Variants in ABL2 observed in about 807,000 individuals in gnomAD.
The protein encoded by ABL2 is tyrosine-protein kinase ABL2.
In ABL2, 49 loss-of-function variants were observed where a neutral mutation model predicts 107.7. The ratio of observed to expected loss-of-function variants is 0.45; its 90% CI spans 0.36 to 0.58. ABL2 has a LOEUF of 0.58. ABL2 is among the 20% of genes least tolerant of loss of function. The pLI is 0.00. For missense variants in ABL2, 1,245 were observed against 1,457.0 expected (o/e 0.85, Z 2.37); for synonymous variants, 549 against 548.6 (o/e 1.00, Z -0.01).
chr1:179,176,746 A>T (rs1660073362), intron 1 of ABL2, among the ~76,000 whole-genome samples: 1 of 119,188 alleles, frequency 8.4e-6, no homozygotes, highest in African/African-American at 3.2e-5. Context: ...CCCAGGCTGG[A>T]GGGCAGAGGT....
chr1:179,190,715 C>T (rs957941364), intron 1 of ABL2, among the ~76,000 whole-genome samples: 2 of 152,048 alleles, frequency 1.3e-5, no homozygotes, highest in African/African-American at 2.4e-5. Flanking sequence ...ATCTAGGGGT[C>T]CCCAGCCTCC....
intron 1 of ABL2, among the ~76,000 whole-genome samples, chr1:179,158,153 A>C (rs1263575357): frequency 1.3e-5 from 2 of 152,202 alleles, no homozygotes; most frequent in Non-Finnish European, 2.9e-5. Flanking sequence ...TGTGAGGACT[A>C]GGATTGGGGA....
chr1:179,194,493 C>T (rs1434744430), intron 1 of ABL2, among the ~76,000 whole-genome samples: 2 of 152,242 alleles, frequency 1.3e-5, no homozygotes, highest in African/African-American at 4.8e-5. Context: ...ATAATTTCTG[C>T]TAACATGGAA....
chr1:179,121,489 A>T, intron 5 of ABL2, 106 bp downstream of exon 5: 2 of 1,411,166 alleles, frequency 1.4e-6, no homozygotes, highest in Non-Finnish European at 1.9e-6. Context: ...GCTTGGCACT[A>T]GTGGGTGGAA....
chr1:179,193,212 G>A (rs1557988621), intron 1 of ABL2, among the ~76,000 whole-genome samples: 1 of 152,064 alleles, frequency 6.6e-6, no homozygotes, highest in Non-Finnish European at 1.5e-5. Context: ...TTTTTCTAAA[G>A]TGCCCGAAGA....
At chr1:179,166,058 A>C (rs1276256529) in intron 1 of ABL2, among the ~76,000 whole-genome samples, 1 of 152,142 alleles carries the variant, frequency 6.6e-6, no homozygotes, top group African/African-American at 2.4e-5. Flanking sequence ...CGGCCTCCCT[A>C]AGTGCTGGGA....
At position 179,126,921 on chromosome 1, in the gene ABL2, A is replaced by G. The variant is rs901521451; in HGVS notation, c.392-249T>C. On this transcript the variant is annotated intron_variant, in intron 3 of 11. Coordinates refer to ENST00000502732, the MANE Select transcript of ABL2 (RefSeq NM_007314.4). The surrounding 1 kb of genome is among the most constrained non-coding windows in gnomAD (Gnocchi z 4.4). ...TTCTGGCATTTACTACAGGGTTTTA[A>G]AAGTCTATATACAACTTAAAAAATA... Among the ~76,000 whole-genome samples the G allele has an allele frequency of 2.0e-5, 3 of 152,216 alleles. No homozygotes were observed. The highest frequency in any genetic ancestry group is 4.4e-5 in the Non-Finnish European group (3 of 68,044).
At chr1:179,123,312 T>C (rs767180301) in intron 4 of ABL2, among the ~76,000 whole-genome samples, 2 of 151,924 alleles carry the variant, frequency 1.3e-5, no homozygotes, top group South Asian at 4.2e-4. Context: ...TGAGACCAGC[T>C]TGGCCATCAT....
chr1:179,182,950 G>C (rs1352542293), intron 1 of ABL2, among the ~76,000 whole-genome samples: 1 of 152,140 alleles, frequency 6.6e-6, no homozygotes, highest in African/African-American at 2.4e-5. Flanking sequence ...CAGAAAACTG[G>C]AAGTGGATTG....
intron 1 of ABL2, among the ~76,000 whole-genome samples, chr1:179,218,553 C>T (rs1460103264): frequency 2.6e-5 from 4 of 152,170 alleles, no homozygotes; most frequent in East Asian, 1.9e-4. Flanking sequence ...TACGCCACCA[C>T]GCCCAGCTAA....
In ABL2 at chr1:179,229,638, C is replaced by T. The variant is rs1269059064; in HGVS notation, c.-241G>A. 6.1e-6 allele frequency: 3 copies of T among 493,694 alleles called. No homozygotes were observed. The South Asian group carries it at 8.9e-5, about 15-fold the overall frequency. 30.6% of individuals were successfully genotyped at this position (493,694 alleles called of 1,614,324 possible). A position where few individuals can be genotyped will look rare whatever the true frequency, so the allele number is the denominator to read the frequency against. On this transcript the variant is annotated 5_prime_UTR_variant, in exon 1 of 12. Coordinates refer to ENST00000502732, the MANE Select transcript of ABL2 (RefSeq NM_007314.4). ...TCGCGGCTCCGCGCCCCCAACGCCG[C>T]CGCCGCCGCCGCCGCCACCGCCGCC...
chr1:179,145,452 A>G (rs1286062180), intron 1 of ABL2, among the ~76,000 whole-genome samples: 3 of 152,222 alleles, frequency 2.0e-5, no homozygotes, highest in East Asian at 3.8e-4. Flanking sequence ...CTAAAATAAC[A>G]ATAAACCCAT....
Position 179,099,934 on chromosome 1 carries a change from C to T in ABL2, c.*7784G>A, listed in dbSNP as rs996339781. On this transcript the variant is annotated 3_prime_UTR_variant, in exon 12 of 12. Coordinates refer to ENST00000502732, the MANE Select transcript of ABL2 (RefSeq NM_007314.4). ...CTGTTCACAGTCAACACACCAACCA[C>T]GCCACTGCTGTTCATCCAAGGAAAG... The T allele has an allele frequency of 2.2e-5, 5 of 232,470 alleles. No individual in the cohort carries two copies. The highest frequency in any genetic ancestry group is 1.2e-4 in the East Asian group (2 of 16,488). 14.4% of individuals were successfully genotyped at this position (232,470 alleles called of 1,614,324 possible). A position where few individuals can be genotyped will look rare whatever the true frequency, so the allele number is the denominator to read the frequency against.
Position 179,172,775 on chromosome 1 carries a change from G to A in ABL2, c.158-39401C>T, listed in dbSNP as rs116387631. Reference sequence around the variant, plus strand: ...TTATAAATACATATGGCCTAAAAGTGGCAAATCTCTTAAGATACTAAATTA... The same window carrying A: ...TTATAAATACATATGGCCTAAAAGTAGCAAATCTCTTAAGATACTAAATTA... On this transcript the variant is annotated intron_variant, in intron 1 of 11. Transcript: ENST00000502732. Among the ~76,000 whole-genome samples, 1,253 of 152,190 alleles carry A rather than the reference G, an allele frequency of 8.2e-3. 14 individuals carry two copies. Among genetic ancestry groups the A allele is most frequent in the African/African-American group, 0.029 (1,197 of 41,510 alleles).
At chr1:179,223,792 T>G (rs1052483916) in intron 1 of ABL2, among the ~76,000 whole-genome samples, 1 of 152,036 alleles carries the variant, frequency 6.6e-6, no homozygotes, top group Non-Finnish European at 1.5e-5. Context: ...AGCATCGTTT[T>G]CAACCTGGGG....
chr1:179,121,915 ATTTTTTTTTTTTTTT>A (rs71108094), intron 4 of ABL2, 48 bp from the exon 5 acceptor site: 33 of 694,324 alleles, frequency 4.8e-5, no homozygotes, highest in Non-Finnish European at 4.1e-5. Flanking sequence ...GAGATTAAGA[ATTTTTTTTTTTTTTT>A]TTTTTTTTTT....
At position 179,102,578 on chromosome 1, in the gene ABL2, G is replaced by C. The variant is rs944906311; in HGVS notation, c.*5140C>G. ...TCATAGCAGATCCTTAGGGCACAGAGATGAACCCCAAATCCAGGTGGAACA... is the reference window on the plus strand; with the variant it reads ...TCATAGCAGATCCTTAGGGCACAGACATGAACCCCAAATCCAGGTGGAACA... On this transcript the variant is annotated 3_prime_UTR_variant, in exon 12 of 12. Transcript: ENST00000502732. 11 of 227,732 alleles carry C rather than the reference G, an allele frequency of 4.8e-5. No homozygotes were observed. Among genetic ancestry groups the C allele is most frequent in the African/African-American group, 2.2e-4 (10 of 45,048 alleles). 14.1% of individuals were successfully genotyped at this position (227,732 alleles called of 1,614,324 possible).
chr1:179,202,017 G>C, intron 1 of ABL2: 1 of 650,014 alleles, frequency 1.5e-6, no homozygotes, highest in Non-Finnish European at 2.0e-6. Context: ...CCAAGGGATG[G>C]ACATCTTGTC....
At chr1:179,136,403 A>T (rs1364436213) in intron 1 of ABL2, among the ~76,000 whole-genome samples, 2 of 152,144 alleles carry the variant, frequency 1.3e-5, no homozygotes, top group Admixed American at 1.3e-4. Context: ...TTGATCGGTG[A>T]CCTTACCCCC....
Sources: gnomAD v4.1 joint callset for allele counts (sites outside exome capture counted in the v4.1 genomes callset) on GRCh38, gnomAD v4.1.1 for gene constraint, Gnocchi (gnomAD v3.1) non-coding constraint, MANE v1.5 for transcripts, NCBI Gene and HGNC (gene_info 2026-07-23, HGNC 2026-07-21) for gene names.